Variants in CCDC178 observed in about 807,000 individuals in gnomAD.
The protein encoded by CCDC178 is coiled-coil domain-containing protein 178.
CCDC178 carries 126 observed loss-of-function variants against 117.4 expected under a neutral mutation model. That is an observed-to-expected ratio of 1.07 (90% CI 0.93 to 1.24). CCDC178 has a LOEUF of 1.24. CCDC178 is among the 50% of genes most tolerant of loss of function. The pLI is 0.00. For missense variants in CCDC178, 1,030 were observed against 986.9 expected, an observed-to-expected ratio of 1.04 and a Z score of -0.59; for synonymous variants, 283 against 313.4, an observed-to-expected ratio of 0.90 and a Z score of 1.02.
chr18:33,056,057 C>T (rs1014743738), intron 21 of CCDC178, among the ~76,000 whole-genome samples: 1 of 152,114 alleles, frequency 6.6e-6, no homozygotes, highest in Admixed American at 6.6e-5. Context: ...CACATCTTGG[C>T]CCCACAAATT....
intron 21 of CCDC178, among the ~76,000 whole-genome samples, chr18:33,078,941 T>A (rs779579827): frequency 3.9e-5 from 6 of 152,072 alleles, no homozygotes; most frequent in Non-Finnish European, 7.4e-5. Context: ...TTAAAATTAA[T>A]ATGAAACAAA....
In CCDC178 at chr18:32,977,485, T is replaced by C. The variant is rs140028222; in HGVS notation, c.2389-2804A>G. Among the ~76,000 whole-genome samples, 1,178 of 152,296 alleles carry C rather than the reference T, an allele frequency of 7.7e-3. 9 individuals are homozygous for C. Among genetic ancestry groups the C allele is most frequent in the Non-Finnish European group, 9.3e-3 (631 of 67,986 alleles). On this transcript the variant is annotated intron_variant, in intron 21 of 22. Transcript: ENST00000383096. Reference sequence around the variant, plus strand: ...CCACATAGCATAGGTTTTCAAATTATTGTCTACCTCAGACCTTACTTTACT... The same window carrying C: ...CCACATAGCATAGGTTTTCAAATTACTGTCTACCTCAGACCTTACTTTACT...
intron 21 of CCDC178, among the ~76,000 whole-genome samples, chr18:33,002,315 T>C (rs1202062293): frequency 2.0e-5 from 3 of 151,748 alleles, no homozygotes; most frequent in Non-Finnish European, 4.4e-5. Flanking sequence ...AAAAAATAGA[T>C]ATTGTACCAA....
At chr18:33,283,432 AAC>A (rs1433999146) in intron 12 of CCDC178, among the ~76,000 whole-genome samples, 1 of 152,226 alleles carries the variant, frequency 6.6e-6, no homozygotes, top group Admixed American at 6.5e-5. Context: ...AACCTAATTA[AAC>A]AGTTTCTGCA....
chr18:32,972,301 T>C (rs1349767453), intron 22 of CCDC178, among the ~76,000 whole-genome samples: 7 of 152,168 alleles, frequency 4.6e-5, no homozygotes, highest in African/African-American at 9.7e-5. Flanking sequence ...CTTGTTTTTC[T>C]GAGGTTTGTC....
chr18:33,309,789 CTAAG>C (rs1015510560), intron 11 of CCDC178, among the ~76,000 whole-genome samples: 2 of 151,716 alleles, frequency 1.3e-5, no homozygotes, highest in African/African-American at 4.8e-5. Context: ...ATTTTAAAAA[CTAAG>C]TAGGAAAGAC....
At chr18:33,439,528 C>CGT (rs2064347879) in intron 2 of CCDC178, among the ~76,000 whole-genome samples, 1 of 152,198 alleles carries the variant, frequency 6.6e-6, no homozygotes, top group Admixed American at 6.5e-5. Flanking sequence ...GATAGAAATA[C>CGT]ACTAGTTTCT....
chr18:33,208,475 G>T (rs551240271), intron 20 of CCDC178, among the ~76,000 whole-genome samples: 25 of 152,066 alleles, frequency 1.6e-4, no homozygotes, highest in Admixed American at 5.2e-4. Context: ...GAGTGTGACC[G>T]CTATATTCAA....
intron 11 of CCDC178, among the ~76,000 whole-genome samples, chr18:33,312,246 C>T (rs2062353276): frequency 6.6e-6 from 1 of 152,048 alleles, no homozygotes; most frequent in South Asian, 2.1e-4. Flanking sequence ...TTCTGCCTTC[C>T]ACTGGATACA....
At chr18:33,087,725 T>A (rs1471604775) in intron 21 of CCDC178, among the ~76,000 whole-genome samples, 1 of 152,110 alleles carries the variant, frequency 6.6e-6, no homozygotes, top group African/African-American at 2.4e-5. Flanking sequence ...TGAATTTCTA[T>A]CTACATTAAA....
intron 20 of CCDC178, among the ~76,000 whole-genome samples, chr18:33,199,448 A>G (rs1354568014): frequency 6.6e-6 from 1 of 152,070 alleles, no homozygotes; most frequent in Admixed American, 6.5e-5. Context: ...CTTTTACTTC[A>G]GTATCTATTG....
intron 20 of CCDC178, among the ~76,000 whole-genome samples, chr18:33,177,888 T>C (rs1465744239): frequency 6.6e-6 from 1 of 152,152 alleles, no homozygotes; most frequent in Non-Finnish European, 1.5e-5. Context: ...TTCTTCCTTT[T>C]TTCCCACAAC....
At chr18:33,173,190 C>T (rs2058624743) in intron 20 of CCDC178, among the ~76,000 whole-genome samples, 1 of 152,078 alleles carries the variant, frequency 6.6e-6, no homozygotes, top group Non-Finnish European at 1.5e-5. Flanking sequence ...GCTGGGACTA[C>T]AGGTGCAGGC....
At chr18:33,282,244 T>C (rs1194688174) in intron 12 of CCDC178, among the ~76,000 whole-genome samples, 1 of 152,076 alleles carries the variant, frequency 6.6e-6, no homozygotes, top group African/African-American at 2.4e-5. Context: ...ACACTTGAGG[T>C]GGCAAGGAGA....
chr18:33,088,020 G>A (rs423390), intron 21 of CCDC178, among the ~76,000 whole-genome samples: 14,021 of 151,990 alleles, frequency 0.092, 903 homozygotes, highest in African/African-American at 0.18. Context: ...CCTAGGCAAG[G>A]TAGGTTAAAT....
At chr18:33,301,914 G>A (rs1379948001) in intron 11 of CCDC178, among the ~76,000 whole-genome samples, 1 of 152,138 alleles carries the variant, frequency 6.6e-6, no homozygotes, top group Non-Finnish European at 1.5e-5. Flanking sequence ...AGGTGGACAT[G>A]AGATTTGAGG....
chr18:33,197,348 A>C (rs1251628343), intron 20 of CCDC178, among the ~76,000 whole-genome samples: 2 of 152,172 alleles, frequency 1.3e-5, no homozygotes, highest in Non-Finnish European at 2.9e-5. Context: ...TAGTACCCAA[A>C]GAACAATGAC....
intron 14 of CCDC178, among the ~76,000 whole-genome samples, chr18:33,248,183 A>G (rs556048008): frequency 1.6e-4 from 24 of 152,086 alleles, no homozygotes; most frequent in East Asian, 3.9e-4. Context: ...ATGTGAAGCT[A>G]TAGTTCCATA....
At chr18:33,155,662 G>C (rs953357012) in intron 20 of CCDC178, among the ~76,000 whole-genome samples, 6 of 152,064 alleles carry the variant, frequency 3.9e-5, no homozygotes, top group African/African-American at 1.4e-4. Flanking sequence ...CAATTTTTTT[G>C]TCAAACACTT....
Sources: gnomAD v4.1 joint callset for allele counts (sites outside exome capture counted in the v4.1 genomes callset) on GRCh38, gnomAD v4.1.1 for gene constraint, MANE v1.5 for transcripts, NCBI Gene and HGNC (gene_info 2026-07-23, HGNC 2026-07-21) for gene names.